ADAM29: variants seen among roughly 807,000 people sequenced by gnomAD.
ADAM29 encodes the protein disintegrin and metalloproteinase domain-containing protein 29.
For synonymous variants in ADAM29, 367 were observed against 342.3 expected, an observed-to-expected ratio of 1.07 and a Z score of -0.80; for missense variants, 969 against 1,001.8, an observed-to-expected ratio of 0.97 and a Z score of 0.44.
At chr4:174,969,197 C>T (rs983306370) in intron 4 of ADAM29, among the ~76,000 whole-genome samples, 1 of 150,442 alleles carries the variant, frequency 6.6e-6, no homozygotes, top group Non-Finnish European at 1.5e-5. Flanking sequence ...ACTTTAAGTT[C>T]TAGGGTACAT....
At chr4:174,922,085 C>G (rs1419720269) in intron 2 of ADAM29, among the ~76,000 whole-genome samples, 1 of 152,048 alleles carries the variant, frequency 6.6e-6, no homozygotes, top group African/African-American at 2.4e-5. Context: ...ATATAAGTAT[C>G]AAAATTCCTT....
At chr4:174,964,770 CTT>C (rs1003008423) in intron 4 of ADAM29, among the ~76,000 whole-genome samples, 3 of 152,028 alleles carry the variant, frequency 2.0e-5, no homozygotes, top group African/African-American at 7.3e-5. Context: ...GAGTAAAACT[CTT>C]AACATAGAAA....
chr4:174,955,178 C>A lies in ADAM29; in HGVS notation c.-181+18165C>A, dbSNP rs1745428721. 2.0e-5 allele frequency among the ~76,000 whole-genome samples: 3 copies of A among 151,898 alleles called. No homozygotes were observed. In the South Asian group the frequency reaches 6.2e-4, roughly 32 times the overall value. On this transcript the variant is annotated intron_variant, in intron 4 of 4. Transcript: ENST00000359240. ...GCAACTGCTGTTATAAACATGAATC[C>A]AAGAACAAGGTATGAAATCGTATGA...
At chr4:174,973,065 C>T (rs760528801) in intron 4 of ADAM29, among the ~76,000 whole-genome samples, 7 of 152,198 alleles carry the variant, frequency 4.6e-5, no homozygotes, top group Non-Finnish European at 8.8e-5. Flanking sequence ...ACTCTTCCTC[C>T]ACAGCAGGAA....
chr4:174,945,272 G>T (rs1353462351), intron 4 of ADAM29, among the ~76,000 whole-genome samples: 1 of 141,332 alleles, frequency 7.1e-6, no homozygotes, highest in Non-Finnish European at 1.6e-5. Flanking sequence ...TCATATGCTT[G>T]TTTATCCACA....
intron 4 of ADAM29, among the ~76,000 whole-genome samples, chr4:174,970,303 G>T (rs373943211): frequency 1.3e-5 from 2 of 152,100 alleles, no homozygotes. Context: ...TTGTGAATCA[G>T]ATGACCCTAA....
chr4:174,922,432 G>A (rs559947002), intron 2 of ADAM29, among the ~76,000 whole-genome samples: 1 of 152,174 alleles, frequency 6.6e-6, no homozygotes, highest in African/African-American at 2.4e-5. Flanking sequence ...CTTATTTGGA[G>A]CAGAAGTTTC....
chr4:174,964,751 T>C (rs1205542073), intron 4 of ADAM29, among the ~76,000 whole-genome samples: 2 of 152,098 alleles, frequency 1.3e-5, no homozygotes, highest in East Asian at 1.9e-4. Context: ...AAAAATTAAA[T>C]ATAAACTTGA....
At chr4:174,965,424 T>A (rs1328382250) in intron 4 of ADAM29, among the ~76,000 whole-genome samples, 2 of 152,064 alleles carry the variant, frequency 1.3e-5, no homozygotes, top group Non-Finnish European at 2.9e-5. Context: ...TACTACTACA[T>A]CAGGGATCAA....
intron 4 of ADAM29, among the ~76,000 whole-genome samples, chr4:174,971,718 T>G (rs528010730): frequency 6.6e-6 from 1 of 152,310 alleles, no homozygotes; most frequent in East Asian, 1.9e-4. Flanking sequence ...CTTTTGGGCT[T>G]CATGGATCTG....
chr4:174,930,879 C>T (rs1283207950), intron 2 of ADAM29, 107 bp from the exon 3 acceptor site: 2 of 151,958 alleles, frequency 1.3e-5, no homozygotes, highest in Non-Finnish European at 2.9e-5. Context: ...CAGCCTTCCA[C>T]TTTTGTGTGT....
At chr4:174,933,798 G>A (rs1261869243) in intron 3 of ADAM29, among the ~76,000 whole-genome samples, 3 of 152,180 alleles carry the variant, frequency 2.0e-5, no homozygotes, top group Non-Finnish European at 4.4e-5. Flanking sequence ...TCCTGCAAAA[G>A]ACATTATCTC....
At chr4:174,967,056 G>C (rs1307992636) in intron 4 of ADAM29, among the ~76,000 whole-genome samples, 1 of 152,054 alleles carries the variant, frequency 6.6e-6, no homozygotes, top group African/African-American at 2.4e-5. Flanking sequence ...GTATGAGTTT[G>C]CTAGTGCCTC....
intron 2 of ADAM29, among the ~76,000 whole-genome samples, chr4:174,929,685 T>A (rs1314287741): frequency 6.6e-6 from 1 of 152,070 alleles, no homozygotes; most frequent in African/African-American, 2.4e-5. Context: ...CTGCCTCATT[T>A]TTGTATAGGA....
intron 4 of ADAM29, among the ~76,000 whole-genome samples, chr4:174,946,632 T>C (rs889013251): frequency 1.3e-5 from 2 of 151,976 alleles, no homozygotes; most frequent in Non-Finnish European, 2.9e-5. Context: ...GGCTATGGGA[T>C]TTTAAAGATG....
At chr4:174,957,299 T>C (rs1745561595) in intron 4 of ADAM29, among the ~76,000 whole-genome samples, 1 of 151,876 alleles carries the variant, frequency 6.6e-6, no homozygotes. Context: ...TGCTAAGGAT[T>C]ATATTATTGC....
At chr4:174,955,475 C>T (rs959104245) in intron 4 of ADAM29, among the ~76,000 whole-genome samples, 2 of 152,020 alleles carry the variant, frequency 1.3e-5, no homozygotes, top group South Asian at 2.1e-4. Flanking sequence ...TAGCTTTCAT[C>T]AGCTTATTAT....
At chr4:174,945,523 T>A (rs1334725981) in intron 4 of ADAM29, among the ~76,000 whole-genome samples, 1 of 152,190 alleles carries the variant, frequency 6.6e-6, no homozygotes, top group African/African-American at 2.4e-5. Context: ...ATTGTCAATT[T>A]TTGTTGCAAT....
In ADAM29 at chr4:174,977,315, A is replaced by T. The variant is rs1212773181; in HGVS notation, c.1790A>T (p.Glu597Val). ...GGGATGAAGGGACCTGATATTGGTGAAGTGAAAGATGGAACAGAGTGTGGG... is the reference window on the plus strand; with the variant it reads ...GGGATGAAGGGACCTGATATTGGTGTAGTGAAAGATGGAACAGAGTGTGGG... ...HLGMKGPDIGEVKDGTECGID... is the reference protein window; with the variant it reads ...HLGMKGPDIGVVKDGTECGID... The change falls in exon 5 of 5, where the codon GAA (glutamate) becomes GTA (valine). Residue 597 changes from glutamate to valine, a missense_variant. Coordinates refer to ENST00000359240, the MANE Select transcript of ADAM29 (RefSeq NM_014269.4). The T allele has an allele frequency of 1.2e-6, 2 of 1,613,698 alleles. No individual in the cohort carries two copies. Among genetic ancestry groups the T allele is most frequent in the Non-Finnish European group, 1.7e-6 (2 of 1,180,022 alleles).
Sources: allele counts gnomAD v4.1 joint callset (sites outside exome capture counted in the v4.1 genomes callset), GRCh38; gene constraint gnomAD v4.1.1; transcripts MANE v1.5; gene names NCBI Gene and HGNC (gene_info 2026-07-23, HGNC 2026-07-21).